The following ZNF469 variants were observed in gnomAD, a reference collection of about 807,000 sequenced individuals.
ZNF469 encodes zinc finger protein 469.
A neutral mutation model predicts 1.0 loss-of-function variants in ZNF469; 1 was observed. The observed-to-expected ratio is 1.00, with a 90% confidence interval of 0.35 to 4.73. ZNF469 has a LOEUF of 4.73. Among genes scored for constraint, ZNF469 ranks in the 30% most tolerant of loss-of-function variants. ZNF469 has a pLI of 0.16. For missense variants in ZNF469, 6,100 were observed against 5,356.3 expected (o/e 1.14, Z -4.33); for synonymous variants, 2,703 against 2,363.4 (o/e 1.14, Z -4.17).
chr16:88,178,793 A>T, the ZNF469 span: 2 of 151,948 alleles, frequency 1.3e-5, no homozygotes, highest in South Asian at 4.1e-4. Context: ...CTCATTCAGG[A>T]ATAATCTTTG....
chr16:88,121,473 C>T, the ZNF469 span, among the ~76,000 whole-genome samples: 1 of 152,304 alleles, frequency 6.6e-6, no homozygotes, highest in East Asian at 1.9e-4. Flanking sequence ...CAGAATGAAA[C>T]GTTCGCAAAG....
At chr16:88,399,584 G>A (rs11076691) in intron 1 of ZNF469, among the ~76,000 whole-genome samples, 35,158 of 152,170 alleles carry the variant, frequency 0.23, 4,289 homozygotes, top group African/African-American at 0.3. Flanking sequence ...CTTGTCACAA[G>A]AGCCAGAAAT....
At chr16:88,426,568 A>G (rs1203075302) in intron 2 of ZNF469, among the ~76,000 whole-genome samples, 2 of 152,280 alleles carry the variant, frequency 1.3e-5, no homozygotes, top group East Asian at 3.8e-4. Flanking sequence ...GGCATGTGCC[A>G]GAATGGGAGC....
chr16:88,253,475 A>G, the ZNF469 span, among the ~76,000 whole-genome samples: 2 of 150,942 alleles, frequency 1.3e-5, no homozygotes, highest in African/African-American at 4.9e-5. Flanking sequence ...TACTGAGCTT[A>G]GGGACCATTT....
the ZNF469 span, among the ~76,000 whole-genome samples, chr16:88,151,248 C>T: frequency 6.6e-6 from 1 of 152,232 alleles, no homozygotes; most frequent in East Asian, 1.9e-4. The surrounding 1 kb of genome is among the most constrained non-coding windows in gnomAD (Gnocchi z 5.4). Context: ...TTCATCCAGG[C>T]CTCGACTGTC....
At chr16:88,225,962 G>A in the ZNF469 span, among the ~76,000 whole-genome samples, 1 of 151,938 alleles carries the variant, frequency 6.6e-6, no homozygotes, top group African/African-American at 2.4e-5. Flanking sequence ...GCTGTCTCAG[G>A]ACACCCTGGC....
chr16:88,192,994 G>A, the ZNF469 span, among the ~76,000 whole-genome samples: 1 of 123,166 alleles, frequency 8.1e-6, no homozygotes, highest in Admixed American at 7.9e-5. Flanking sequence ...GGTGATGGTG[G>A]TGGTGGTGAT....
the ZNF469 span, among the ~76,000 whole-genome samples, chr16:88,369,573 T>C: frequency 6.9e-3 from 1,044 of 152,358 alleles, 15 homozygotes; most frequent in African/African-American, 0.022. Flanking sequence ...TTCACCTCTC[T>C]GAGCCCAGCT....
chr16:88,203,605 G>C, the ZNF469 span, among the ~76,000 whole-genome samples: 1 of 152,156 alleles, frequency 6.6e-6, no homozygotes, highest in Non-Finnish European at 1.5e-5. Context: ...ATGCTGCCTG[G>C]GGGGTCTCCC....
At chr16:88,263,314 T>C in the ZNF469 span, among the ~76,000 whole-genome samples, 7 of 152,198 alleles carry the variant, frequency 4.6e-5, no homozygotes, top group African/African-American at 1.4e-4. Flanking sequence ...CAGATGCATA[T>C]GAGGCCCTTG....
At chr16:88,182,947 A>C in the ZNF469 span, among the ~76,000 whole-genome samples, 1 of 152,250 alleles carries the variant, frequency 6.6e-6, no homozygotes, top group East Asian at 1.9e-4. Flanking sequence ...AAGAAAATGA[A>C]GAGACAAACC....
At chr16:88,328,427 C>A in the ZNF469 span, among the ~76,000 whole-genome samples, 1 of 152,294 alleles carries the variant, frequency 6.6e-6, no homozygotes, top group South Asian at 2.1e-4. Flanking sequence ...CAGGAAAACG[C>A]CATGGCAGTT....
At chr16:88,168,447 G>A in the ZNF469 span, among the ~76,000 whole-genome samples, 2 of 151,468 alleles carry the variant, frequency 1.3e-5, no homozygotes, top group African/African-American at 4.9e-5. The surrounding 1 kb of genome is among the most constrained non-coding windows in gnomAD (Gnocchi z 4.3). Context: ...TGGCTCATCA[G>A]TGATTGTGAC....
chr16:88,360,446 G>A, the ZNF469 span, among the ~76,000 whole-genome samples: 7 of 152,054 alleles, frequency 4.6e-5, no homozygotes, highest in South Asian at 2.1e-4. Context: ...TCCAGTCAGC[G>A]CCCGCATGCT....
rs532857190 is a variant in ZNF469, at chr16:88,437,797, G to T, written c.10327G>T (p.Gly3443Trp). ...FDRHMNKHLR[G>W]GRQPFAFRGV... ...CCGCCACATGAACAAGCACCTCAGG[G>T]GGGGGCGGCAGCCCTTCGCGTTCCG... The change falls in exon 3 of 3, where the codon GGG becomes TGG. Residue 3443 changes from glycine (G) to tryptophan (W), a missense_variant. Transcript: ENST00000565624. 5.0e-5 allele frequency: 77 copies of T among 1,546,288 alleles called. No homozygotes were observed. Among genetic ancestry groups the T allele is most frequent in the South Asian group, 1.9e-4 (16 of 83,988 alleles).
chr16:88,283,945 AC>A, the ZNF469 span, among the ~76,000 whole-genome samples: 1 of 114,186 alleles, frequency 8.8e-6, no homozygotes, highest in Non-Finnish European at 1.8e-5. Flanking sequence ...AGGCTGGTAG[AC>A]CCCCAGTGTG....
chr16:88,318,114 C>T, the ZNF469 span, among the ~76,000 whole-genome samples: 3 of 152,260 alleles, frequency 2.0e-5, no homozygotes, highest in Non-Finnish European at 4.4e-5. Flanking sequence ...GTGGCTTGGG[C>T]CTCTCAGGTT....
the ZNF469 span, among the ~76,000 whole-genome samples, chr16:88,359,370 C>T: frequency 6.1e-5 from 9 of 146,380 alleles, no homozygotes; most frequent in South Asian, 4.4e-4. Flanking sequence ...GTATCCTGCA[C>T]GCATTTGCTA....
the ZNF469 span, among the ~76,000 whole-genome samples, chr16:88,141,017 C>T: frequency 1.3e-5 from 2 of 152,108 alleles, no homozygotes; most frequent in African/African-American, 4.8e-5. Context: ...AAATTGGTCA[C>T]GTTTGAAAGA....
Sources: gnomAD v4.1 joint callset for allele counts (sites outside exome capture counted in the v4.1 genomes callset) on GRCh38, gnomAD v4.1.1 for gene constraint, Gnocchi (gnomAD v3.1) non-coding constraint, MANE v1.5 for transcripts, NCBI Gene and HGNC (gene_info 2026-07-23, HGNC 2026-07-21) for gene names.